The following TTN variants were observed in gnomAD, a reference collection of about 807,000 sequenced individuals.
TTN encodes the protein connectin.
A neutral mutation model predicts 3,223.0 loss-of-function variants in TTN; 1,525 were observed. That is an observed-to-expected ratio of 0.47 (90% CI 0.45 to 0.49). TTN has a LOEUF of 0.49. TTN is among the 20% of genes least tolerant of loss of function. The pLI, the probability that TTN is intolerant of heterozygous loss-of-function variation, is 0.00. For missense variants in TTN, 40,786 were observed against 43,424.0 expected (o/e 0.94, Z 5.40); for synonymous variants, 14,094 against 15,161.0 (o/e 0.93, Z 5.17).
chr2:178,574,679 A>G lies in TTN; in HGVS notation c.71453T>C (p.Ile23818Thr), dbSNP rs749803403. ...AACCTTAAATGGATAGTTGGCAACT[A>G]TGCATGCTGATGTGATGCCTGGTCC... ...GVGPGITSAC[I>T]VANYPFKVPG... The change falls in exon 326 of 363, where the codon ATA becomes ACA. Residue 23818 changes from isoleucine to threonine, a missense_variant. Ile to Thr is a moderately conservative substitution (Grantham distance 89). Transcript: ENST00000589042. 3.7e-5 allele frequency: 59 copies of G among 1,613,184 alleles called. No homozygotes were observed. In the East Asian group the frequency reaches 1.3e-3, roughly 34 times the overall value.
chr2:178,686,115 T>TTTTA (rs2070810017), intron 127 of TTN, among the ~76,000 whole-genome samples: 1 of 107,270 alleles, frequency 9.3e-6, no homozygotes, highest in Non-Finnish European at 1.8e-5. Flanking sequence ...CAGTTTTAAT[T>TTTTA]TTTTTTTTTT....
At chr2:178,755,231 C>A (rs1484118) in intron 46 of TTN, among the ~76,000 whole-genome samples, 22,685 of 152,040 alleles carry the variant, frequency 0.15, 2,078 homozygotes, top group East Asian at 0.45. Flanking sequence ...ATTACTTGCC[C>A]AGACAAGTTT....
rs772907723 is a variant in TTN at position 178,734,364 on chromosome 2, C to T, written c.15460G>A (p.Gly5154Ser). Residue 5154 changes from glycine to serine, a missense_variant, in exon 52 of 363, where the codon GGC becomes AGC. Physicochemically the swap from Gly to Ser is moderately conservative, Grantham distance 56. Transcript: ENST00000589042. ...TGGGTTGCCATGCAGCCACACTTGC[C>T]GACTTCATTAGCAACAACACATTCA... ...EYECVVANEV[G>S]KCGCMATHLL... is the part of the protein sequence containing the mutation. 21 of 1,605,920 alleles carry T rather than the reference C, an allele frequency of 1.3e-5. No individual in the cohort carries two copies. The highest frequency in any genetic ancestry group is 1.4e-5 in the Non-Finnish European group (17 of 1,174,752).
In TTN at chr2:178,531,888, G is replaced by A; in HGVS notation, c.104727C>T (p.Ser34909=). The change falls in exon 358 of 363, where the codon TCC becomes TCT. Residue 34909 remains serine (S), a synonymous_variant. Transcript: ENST00000589042. ...AAGCAGCTTTCATGGACTCATACCT[G>A]GAAAAGATATCAAATCTTGCAGACC... ...FERSARFDIF[S]RYESMKAALK... 1 of 1,612,710 alleles carries A rather than the reference G, an allele frequency of 6.2e-7. No homozygotes were observed. The highest frequency in any genetic ancestry group is 8.5e-7 in the Non-Finnish European group (1 of 1,179,240).
rs751307360 is a variant in TTN, at chr2:178,698,811, T to C, written c.30754+32A>G. 2.0e-6 allele frequency: 3 copies of C among 1,528,444 alleles called. No homozygotes were observed. In the South Asian group the frequency reaches 3.8e-5, roughly 19 times the overall value. 94.7% of individuals were successfully genotyped at this position (1,528,444 alleles called of 1,614,324 possible). On this transcript the variant is annotated intron_variant, in intron 112 of 362. Coordinates refer to ENST00000589042, the MANE Select transcript of TTN (RefSeq NM_001267550.2). ...TTAAAAGTTTTGGCCAAGAAAAAAG[T>C]GTTAAGACTGCTTTTTGATTAATTA...
In TTN at chr2:178,550,959, A is replaced by C. The variant is rs750554016; in HGVS notation, c.91564+8T>G. ...TAGTCTCATTGGAAATAAGTTGTAAATGCTTACCATTTTCATCTCTTGTCA... is the reference window on the plus strand; with the variant it reads ...TAGTCTCATTGGAAATAAGTTGTAACTGCTTACCATTTTCATCTCTTGTCA... On this transcript the variant is annotated splice_region_variant and intron_variant, in intron 336 of 362. Transcript: ENST00000589042. 1 of 1,610,990 alleles carries C rather than the reference A, an allele frequency of 6.2e-7. No homozygotes were observed. Among genetic ancestry groups the C allele is most frequent in the South Asian group, 1.1e-5 (1 of 90,854 alleles).
rs774623766 is a variant in TTN at position 178,539,405 on chromosome 2, G to T, written c.98660C>A (p.Pro32887Gln). 1 of 1,612,580 alleles carries T rather than the reference G, an allele frequency of 6.2e-7. No homozygotes were observed. Among genetic ancestry groups the T allele is most frequent in the Non-Finnish European group, 8.5e-7 (1 of 1,178,740 alleles). ...GISKPLKSEE[P>Q]VTPKTPLNPP... ...ACTCAATGGTGTTTTTGGTGTGACT[G>T]GTTCCTCAGATTTCAAGGGTTTGCT... The change falls in exon 352 of 363, where the codon CCA (proline) becomes CAA (glutamine). Residue 32887 changes from proline (P) to glutamine (Q), a missense_variant. Physicochemically the swap from Pro to Gln is moderately conservative, Grantham distance 76. Transcript: ENST00000589042.
In TTN at chr2:178,545,555, A is replaced by T. The variant is rs62621206; in HGVS notation, c.95555T>A (p.Leu31852Gln). 1.2e-6 allele frequency: 2 copies of T among 1,613,738 alleles called. No homozygotes were observed. Among genetic ancestry groups the T allele is most frequent in the South Asian group, 1.1e-5 (1 of 91,070 alleles). ...GTCTTTGTTGACACGTGTCCAGCGC[A>T]GGCTCTTCTTCTCACGTTTGTCTAC... ...YLVDKREKKSLRWTRVNKDYV... is the reference protein window; with the variant it reads ...YLVDKREKKSQRWTRVNKDYV... The change falls in exon 344 of 363, where the codon CTG becomes CAG. Residue 31852 changes from leucine (L) to glutamine (Q), a missense_variant. Transcript: ENST00000589042.
rs745842318 is a variant in TTN at position 178,721,192 on chromosome 2, C to T, written c.22827G>A (p.Lys7609=). The T allele has an allele frequency of 5.0e-6, 8 of 1,594,940 alleles. No individual in the cohort carries two copies. Among genetic ancestry groups the T allele is most frequent in the Non-Finnish European group, 6.9e-6 (8 of 1,167,864 alleles). ...SAQLSVKEPP[K]FVKKLEASKV... ...TTGAAGCTTCTAATTTCTTAACAAA[C>T]TTTGGAGGTTCTAGTAAACCAAACA... The change falls in exon 79 of 363, where the codon AAG becomes AAA. Residue 7609 remains lysine, a synonymous_variant. Transcript: ENST00000589042.
chr2:178,689,087 T>A lies in TTN; in HGVS notation c.32061A>T (p.Pro10687=). The change falls in exon 125 of 363, where the codon CCA becomes CCT. Residue 10687 remains proline (P), a synonymous_variant. Transcript: ENST00000589042. ...KPVPEEKVAV[P]VPVAKKAPPP... is the part of the protein sequence containing the mutation. ...GAGGAGCTTTCTTAGCGACAGGAAC[T>A]GGCACTGCAACTTTCTCCTCTGGGA... 6.2e-7 allele frequency: 1 copy of A among 1,608,574 alleles called. No individual in the cohort carries two copies. The highest frequency in any genetic ancestry group is 8.5e-7 in the Non-Finnish European group (1 of 1,178,660).
At chr2:178,692,353 C>T (rs1577499597) in intron 120 of TTN, 144 bp downstream of exon 120, 4 of 921,278 alleles carry the variant, frequency 4.3e-6, no homozygotes, top group Non-Finnish European at 6.7e-6. Flanking sequence ...TATAACACAT[C>T]ACCACAAATA....
rs1380931214 is a variant in TTN at position 178,712,921 on chromosome 2, T to C, written c.27104A>G (p.Asn9035Ser). Residue 9035 changes from asparagine to serine, a missense_variant, in exon 94 of 363, where the codon AAT becomes AGT. Physicochemically the swap from Asn to Ser is conservative, Grantham distance 46. Transcript: ENST00000589042. ...TTTTACGATACTTGTGAAAGTTACA[T>C]TGGTCCCAGTTAAAACATCCATGGG... ...PDPMDVLTGT[N>S]VTFTSIVKGT... 1 of 1,613,146 alleles carries C rather than the reference T, an allele frequency of 6.2e-7. No homozygotes were observed. Among genetic ancestry groups the C allele is most frequent in the Non-Finnish European group, 8.5e-7 (1 of 1,179,484 alleles).
In TTN at chr2:178,730,736, C is replaced by T. The variant is rs759141033; in HGVS notation, c.17797G>A (p.Gly5933Ser). ...ATACATTCTAAATCAATGAAAGAAC[C>T]TTTAATGCTGTCCATTTTCTTCAGC... Reference protein sequence around the residue: ...KKLKKMDSIKGSFIDLECIVA... With the variant: ...KKLKKMDSIKSSFIDLECIVA... The change falls in exon 61 of 363, where the codon GGT (glycine) becomes AGT (serine). Residue 5933 changes from glycine to serine, a missense_variant. Physicochemically the swap from Gly to Ser is moderately conservative, Grantham distance 56. Transcript: ENST00000589042. 7 of 1,611,222 alleles carry T rather than the reference C, an allele frequency of 4.3e-6. No homozygotes were observed. Among genetic ancestry groups the T allele is most frequent in the East Asian group, 2.2e-5 (1 of 44,762 alleles).
At position 178,538,313 on chromosome 2, in the gene TTN, AT is replaced by A. The variant is rs763152519; in HGVS notation, c.99289+226del. On this transcript the variant is annotated intron_variant, in intron 354 of 362. Coordinates refer to ENST00000589042, the MANE Select transcript of TTN (RefSeq NM_001267550.2). ...AAAAGAAACCATTGCATTAGAGGGA[AT>A]TACTCAAGGAAAGTGCTCAGTTCAC... The A allele has an allele frequency of 1.5e-3, 768 of 497,930 alleles. 1 individual carries two copies. Among genetic ancestry groups the A allele is most frequent in the Non-Finnish European group, 1.8e-3 (519 of 287,334 alleles). 30.8% of individuals were successfully genotyped at this position (497,930 alleles called of 1,614,324 possible). A position where few individuals can be genotyped will look rare whatever the true frequency, so the allele number is the denominator to read the frequency against.
Position 178,552,782 on chromosome 2 carries a change from T to C in TTN, c.90118A>G (p.Lys30040Glu), listed in dbSNP as rs1322454013. 1.1e-5 allele frequency: 17 copies of C among 1,613,908 alleles called. No individual in the cohort carries two copies. Among genetic ancestry groups the C allele is most frequent in the Non-Finnish European group, 1.4e-5 (16 of 1,179,828 alleles). ...ATGACAGATGTCTTTGTTGAGTCTT[T>C]CATTGAGAGATCACGTATAGGAGCT... is the stretch of plus-strand genomic sequence containing the variant. ...VPAPIRDLSMKDSTKTSVILS... is the reference protein window; with the variant it reads ...VPAPIRDLSMEDSTKTSVILS... The change falls in exon 335 of 363, where the codon AAA (lysine) becomes GAA (glutamate). Residue 30040 changes from lysine to glutamate, a missense_variant. Coordinates refer to ENST00000589042, the MANE Select transcript of TTN (RefSeq NM_001267550.2).
Position 178,682,703 on chromosome 2 carries a change from T to C in TTN, c.33088A>G (p.Ile11030Val). The part of the protein sequence containing the change: ...YERYEEHEEY[I>V]TEPEKPIPVK... ...TTTGCAGTTTTGCTCATACCTGTGA[T>C]GTATTCTTCATGCTCTTCATATCGT... The change falls in exon 135 of 363, where the codon ATC becomes GTC. Residue 11030 changes from isoleucine to valine, a missense_variant. By Grantham distance (29) the Ile-to-Val change is conservative. Transcript: ENST00000589042. 6.2e-7 allele frequency: 1 copy of C among 1,611,244 alleles called. No homozygotes were observed.
intron 47 of TTN, chr2:178,750,275 T>G (rs1451361296): frequency 6.2e-7 from 1 of 1,613,350 alleles, no homozygotes; most frequent in Non-Finnish European, 8.5e-7. Context: ...TTTATGTGCT[T>G]TGACATCATG....
chr2:178,550,084 A>G lies in TTN; in HGVS notation c.91754T>C (p.Phe30585Ser), dbSNP rs927256604. 1 of 1,613,784 alleles carries G rather than the reference A, an allele frequency of 6.2e-7. No individual in the cohort carries two copies. The highest frequency in any genetic ancestry group is 1.3e-5 in the African/African-American group (1 of 75,018). Residue 30585 changes from phenylalanine (F) to serine (S), a missense_variant, in exon 337 of 363, where the codon TTT becomes TCT. By Grantham distance (155) the Phe-to-Ser change is radical. Transcript: ENST00000589042. ...ATGGTCCCGAGTAGCATCTCTAACA[A>G]ATAGGCTGGTGGATCCAAGTACGTC... ...ITDVLGSTSL[F>S]VRDATRDHRG...
chr2:178,633,740 A>T, intron 231 of TTN, 64 bp from the exon 232 acceptor site: 4 of 1,605,168 alleles, frequency 2.5e-6, no homozygotes, highest in Non-Finnish European at 2.5e-6. Flanking sequence ...AAAGAGTAAA[A>T]GGTTGCAAAA....
Sources: gnomAD v4.1 joint callset for allele counts (sites outside exome capture counted in the v4.1 genomes callset) on GRCh38, gnomAD v4.1.1 for gene constraint, MANE v1.5 for transcripts, NCBI Gene and HGNC (gene_info 2026-07-23, HGNC 2026-07-21) for gene names.